The following WDR49 variants were observed in gnomAD, a reference collection of about 807,000 sequenced individuals.
WDR49 encodes cilia- and flagella-associated protein 337.
Under a neutral mutation model 119.5 loss-of-function variants are expected in WDR49, and 107 were observed. That is an observed-to-expected ratio of 0.90 (90% CI 0.77 to 1.05). WDR49 has a LOEUF of 1.05. WDR49 is among the 50% of genes least tolerant of loss of function. The probability of loss-of-function intolerance (pLI) is 0.00; values close to 1 mark genes in which losing one functional copy is unlikely to be tolerated. For missense variants in WDR49, 1,240 were observed against 1,220.5 expected, an observed-to-expected ratio of 1.02 and a Z score of -0.24; for synonymous variants, 425 against 418.8, an observed-to-expected ratio of 1.01 and a Z score of -0.18.
At chr3:167,649,524 C>A (rs557218114) in intron 2 of WDR49, among the ~76,000 whole-genome samples, 1 of 152,130 alleles carries the variant, frequency 6.6e-6, no homozygotes, top group Non-Finnish European at 1.5e-5. Context: ...TATCAAAATT[C>A]TTTAAATGTA....
intron 10 of WDR49, among the ~76,000 whole-genome samples, chr3:167,544,815 G>C (rs1367571425): frequency 1.3e-5 from 2 of 151,782 alleles, no homozygotes; most frequent in African/African-American, 2.4e-5. Flanking sequence ...AAAATCAAAT[G>C]CAACAAAACA....
chr3:167,628,839 C>G (rs892051371), intron 2 of WDR49, among the ~76,000 whole-genome samples: 3 of 152,146 alleles, frequency 2.0e-5, no homozygotes, highest in African/African-American at 7.2e-5. Context: ...GAGAAAAAGT[C>G]ATGCCTGGCT....
intron 7 of WDR49, among the ~76,000 whole-genome samples, chr3:167,579,664 A>G (rs1490438836): frequency 6.6e-6 from 1 of 152,170 alleles, no homozygotes; most frequent in African/African-American, 2.4e-5. Flanking sequence ...ATCACTAAAA[A>G]AATTTTAAAA....
intron 7 of WDR49, among the ~76,000 whole-genome samples, chr3:167,583,353 G>C (rs1197278650): frequency 6.6e-6 from 1 of 151,952 alleles, no homozygotes; most frequent in Non-Finnish European, 1.5e-5. Context: ...TTAAAAACTA[G>C]GTTTTTGTAA....
chr3:167,548,749 T>A (rs572208639), intron 10 of WDR49, among the ~76,000 whole-genome samples: 1 of 152,258 alleles, frequency 6.6e-6, no homozygotes, highest in South Asian at 2.1e-4. Context: ...ACGTGCAGGT[T>A]TGTTACATAT....
At chr3:167,547,656 CTTT>C (rs74953812) in intron 10 of WDR49, among the ~76,000 whole-genome samples, 1 of 132,092 alleles carries the variant, frequency 7.6e-6, no homozygotes. Flanking sequence ...ACAAGATTTT[CTTT>C]TTTTTTTTTT....
chr3:167,590,404 T>C (rs112885072), intron 7 of WDR49, among the ~76,000 whole-genome samples: 4,314 of 152,182 alleles, frequency 0.028, 180 homozygotes, highest in East Asian at 0.17. Context: ...ATCAGGGTAA[T>C]AATGGTTTTG....
chr3:167,548,558 T>C (rs1436362434), intron 10 of WDR49, among the ~76,000 whole-genome samples: 1 of 152,008 alleles, frequency 6.6e-6, no homozygotes. Flanking sequence ...TCTATTTTAT[T>C]ATAATGTATT....
chr3:167,615,460 A>G (rs1012053469), intron 5 of WDR49, among the ~76,000 whole-genome samples: 4 of 150,958 alleles, frequency 2.6e-5, no homozygotes, highest in African/African-American at 4.9e-5. Context: ...AAAAAAAAAA[A>G]AAGAAAGAAA....
intron 15 of WDR49, 35 bp from the exon 16 acceptor site, chr3:167,522,519 G>A (rs751586440): frequency 2.5e-6 from 4 of 1,571,384 alleles, no homozygotes; most frequent in Non-Finnish European, 3.4e-6. Context: ...TTATTTTTAT[G>A]AAATTTATTT....
intron 5 of WDR49, among the ~76,000 whole-genome samples, chr3:167,605,970 A>G (rs549227615): frequency 6.6e-6 from 1 of 152,312 alleles, no homozygotes; most frequent in South Asian, 2.1e-4. Flanking sequence ...AATTCAGAAT[A>G]CAGGGCCTGA....
chr3:167,647,959 T>C (rs1718204219), intron 2 of WDR49, among the ~76,000 whole-genome samples: 1 of 152,236 alleles, frequency 6.6e-6, no homozygotes, highest in Admixed American at 6.5e-5. Context: ...CTGTGCACTA[T>C]TAACTTAACA....
chr3:167,626,941 G>A lies in WDR49; in HGVS notation c.517C>T (p.Leu173=). 7.6e-7 allele frequency: 1 copy of A among 1,316,938 alleles called. No homozygotes were observed. Among genetic ancestry groups the A allele is most frequent in the East Asian group, 2.9e-5 (1 of 34,834 alleles). 81.6% of individuals were successfully genotyped at this position (1,316,938 alleles called of 1,614,324 possible). The change falls in exon 3 of 19, where the codon CTG becomes TTG. Residue 173 remains leucine (L), a synonymous_variant. Transcript: ENST00000682715. ...LLAIWGEHLK[L]QETFPITSDA... is the part of the protein sequence containing the mutation. ...GAAGTGATGGGGAATGTTTCTTGCA[G>A]CTTTAAATGCTCTCCCCAGATTGCC...
intron 18 of WDR49, among the ~76,000 whole-genome samples, chr3:167,487,072 G>C (rs577830842): frequency 1.3e-5 from 2 of 152,048 alleles, no homozygotes; most frequent in African/African-American, 4.8e-5. Flanking sequence ...AATAGCTGAA[G>C]GAATCCTAAG....
intron 2 of WDR49, among the ~76,000 whole-genome samples, chr3:167,641,943 A>G (rs1159039784): frequency 6.6e-6 from 1 of 151,850 alleles, no homozygotes; most frequent in South Asian, 2.1e-4. Flanking sequence ...AGGTAAAAAA[A>G]ATACACATAG....
intron 18 of WDR49, among the ~76,000 whole-genome samples, chr3:167,489,238 A>G (rs1383645509): frequency 1.3e-5 from 2 of 152,040 alleles, no homozygotes; most frequent in Admixed American, 6.6e-5. Flanking sequence ...CTCAAAATGT[A>G]TATTTGTTGA....
At chr3:167,485,913 A>G (rs1750902003) in intron 18 of WDR49, among the ~76,000 whole-genome samples, 1 of 152,094 alleles carries the variant, frequency 6.6e-6, no homozygotes. Context: ...CCCTGGAAAG[A>G]TACTATAAAA....
intron 2 of WDR49, among the ~76,000 whole-genome samples, chr3:167,649,716 G>C (rs1355641970): frequency 6.6e-6 from 1 of 152,114 alleles, no homozygotes; most frequent in East Asian, 1.9e-4. Flanking sequence ...GATTTTTACT[G>C]TGCCTTTCTT....
In WDR49 at chr3:167,596,215, AAAC is replaced by A. The variant is rs1307303610; in HGVS notation, c.1275+5909_1275+5911del. On this transcript the variant is annotated intron_variant, in intron 7 of 18. Coordinates refer to ENST00000682715, the MANE Select transcript of WDR49 (RefSeq NM_001366157.1). ...GAATGGCAATCATTAAAATGTCAGG[AAAC>A]AACAGGTGCTGGAGAGGATGTGGAG... Among the ~76,000 whole-genome samples the A allele has an allele frequency of 4.6e-5, 7 of 152,104 alleles. No individual in the cohort carries two copies. The South Asian group carries it at 8.3e-4, about 18-fold the overall frequency.
Sources: allele counts gnomAD v4.1 joint callset (sites outside exome capture counted in the v4.1 genomes callset), GRCh38; gene constraint gnomAD v4.1.1; transcripts MANE v1.5; gene names NCBI Gene and HGNC (gene_info 2026-07-23, HGNC 2026-07-21).